The following PATJ variants were observed in gnomAD, a reference collection of about 807,000 sequenced individuals.
The protein encoded by PATJ is PATJ crumbs cell polarity complex component.
In PATJ, 190 loss-of-function variants were observed where a neutral mutation model predicts 224.9. That is an observed-to-expected ratio of 0.84 (90% confidence interval 0.75 to 0.95). PATJ has a LOEUF of 0.95. PATJ is among the 40% of genes least tolerant of loss of function. The probability of loss-of-function intolerance (pLI) is 0.00; values close to 1 mark genes in which losing one functional copy is unlikely to be tolerated. For missense variants in PATJ, 2,121 were observed against 2,270.3 expected (o/e 0.93, Z 1.34); for synonymous variants, 769 against 820.3 (o/e 0.94, Z 1.07).
intron 30 of PATJ, among the ~76,000 whole-genome samples, 188 bp downstream of exon 30, chr1:62,038,237 C>A (rs1335733104): frequency 2.0e-5 from 3 of 152,110 alleles, no homozygotes; most frequent in African/African-American, 7.2e-5. Context: ...TAGAACCTAA[C>A]CATATAAGTA....
chr1:61,844,935 C>T (rs549170645), intron 17 of PATJ, among the ~76,000 whole-genome samples: 5 of 152,218 alleles, frequency 3.3e-5, no homozygotes, highest in Admixed American at 1.3e-4. Context: ...CCCAGCCATG[C>T]GAAACTGTGA....
chr1:62,153,567 G>A (rs1668846364), intron 43 of PATJ, 86 bp downstream of exon 43: 17 of 824,786 alleles, frequency 2.1e-5, no homozygotes, highest in Non-Finnish European at 2.8e-5. Context: ...CTTTACTTTG[G>A]GTCAAACCTG....
chr1:61,818,610 A>G (rs1289462818), intron 14 of PATJ, among the ~76,000 whole-genome samples: 1 of 152,242 alleles, frequency 6.6e-6, no homozygotes, highest in Non-Finnish European at 1.5e-5. Context: ...TAGATTCAGA[A>G]CTAATATTAG....
At chr1:62,067,910 C>G (rs1326514600) in intron 31 of PATJ, among the ~76,000 whole-genome samples, 1 of 152,210 alleles carries the variant, frequency 6.6e-6, no homozygotes, top group African/African-American at 2.4e-5. Flanking sequence ...AAGCGATCCT[C>G]CTACCTCAGC....
chr1:62,156,168 G>T (rs1669191860), intron 43 of PATJ, among the ~76,000 whole-genome samples: 1 of 151,366 alleles, frequency 6.6e-6, no homozygotes, highest in South Asian at 2.1e-4. Flanking sequence ...TTGAGCCCAG[G>T]AGTTCAAGAT....
chr1:62,022,861 T>C (rs74479249), intron 29 of PATJ, among the ~76,000 whole-genome samples: 4,234 of 152,258 alleles, frequency 0.028, 170 homozygotes, highest in African/African-American at 0.087. Context: ...GTCTTCCTTT[T>C]GTAATTAAAA....
chr1:62,043,263 A>C (rs1055863410), intron 30 of PATJ, among the ~76,000 whole-genome samples: 1 of 152,190 alleles, frequency 6.6e-6, no homozygotes, highest in Non-Finnish European at 1.5e-5. Context: ...TATATTTATA[A>C]GGGATTATGA....
chr1:62,156,558 GTTA>G (rs1393467452), intron 43 of PATJ, among the ~76,000 whole-genome samples: 1 of 150,628 alleles, frequency 6.6e-6, no homozygotes, highest in Non-Finnish European at 1.5e-5. Flanking sequence ...GTAAATAATA[GTTA>G]TTATTATTAT....
chr1:62,015,338 G>A (rs941255559), intron 28 of PATJ, among the ~76,000 whole-genome samples: 2 of 151,970 alleles, frequency 1.3e-5, no homozygotes. Context: ...TAGCAAAGAT[G>A]AGTAGTTTCG....
At chr1:61,913,297 C>T (rs1170144477) in intron 25 of PATJ, among the ~76,000 whole-genome samples, 2 of 152,042 alleles carry the variant, frequency 1.3e-5, no homozygotes, top group African/African-American at 4.8e-5. Flanking sequence ...TTCAGTGGTG[C>T]AATTGTGGCT....
intron 26 of PATJ, among the ~76,000 whole-genome samples, chr1:61,920,543 AT>A (rs1400100050): frequency 6.6e-6 from 1 of 152,078 alleles, no homozygotes; most frequent in Non-Finnish European, 1.5e-5. Context: ...GTATGTCTTT[AT>A]TAGCAGCATG....
intron 31 of PATJ, among the ~76,000 whole-genome samples, chr1:62,055,871 C>T (rs1416775331): frequency 2.0e-5 from 3 of 152,160 alleles, no homozygotes; most frequent in African/African-American, 7.2e-5. Flanking sequence ...AATAGGCTGT[C>T]TGCAAACTGG....
intron 31 of PATJ, among the ~76,000 whole-genome samples, chr1:62,052,063 C>T (rs1345263164): frequency 1.3e-5 from 2 of 152,166 alleles, no homozygotes; most frequent in African/African-American, 4.8e-5. Flanking sequence ...TGTAGCCCAG[C>T]ACTTCCAGGG....
chr1:61,952,296 C>T (rs1679830382), intron 27 of PATJ: 5 of 490,820 alleles, frequency 1.0e-5, no homozygotes, highest in Admixed American at 3.2e-5. Context: ...GGCCCAAGGT[C>T]GTCAGAAGAG....
At chr1:61,959,554 C>A (rs1253721547) in intron 27 of PATJ, among the ~76,000 whole-genome samples, 1 of 150,728 alleles carries the variant, frequency 6.6e-6, no homozygotes, top group African/African-American at 2.4e-5. Context: ...CCCACCTCAG[C>A]CTCCCAAGTA....
chr1:61,762,858 G>A lies in PATJ; in HGVS notation c.-35G>A, dbSNP rs1442231702. On this transcript the variant is annotated splice_region_variant and 5_prime_UTR_variant, in exon 2 of 44. In the 5' UTR this introduces an upstream ATG that the reference lacks. Transcript: ENST00000642238. ...TTATATTGTTAAATTTTTTCTTTAG[G>A]TGTCTTTAAGAGTGATTGAAGAGAA... 7.2e-7 allele frequency: 1 copy of A among 1,388,674 alleles called. No homozygotes were observed. Among genetic ancestry groups the A allele is most frequent in the South Asian group, 1.4e-5 (1 of 71,952 alleles). 86.0% of individuals were successfully genotyped at this position (1,388,674 alleles called of 1,614,324 possible).
chr1:61,860,222 T>C (rs964033003), intron 18 of PATJ, among the ~76,000 whole-genome samples: 23 of 152,140 alleles, frequency 1.5e-4, no homozygotes, highest in African/African-American at 5.5e-4. Context: ...AATGACTTAT[T>C]TTTATTATTT....
intron 4 of PATJ, among the ~76,000 whole-genome samples, chr1:61,766,767 TGAC>T (rs769468863): frequency 3.2e-4 from 49 of 152,282 alleles, no homozygotes; most frequent in Non-Finnish European, 6.5e-4. Context: ...TTTTAGACAA[TGAC>T]TAATTGAACA....
At chr1:62,092,196 G>A (rs1190477843) in intron 33 of PATJ, among the ~76,000 whole-genome samples, 2 of 151,340 alleles carry the variant, frequency 1.3e-5, no homozygotes, top group East Asian at 3.9e-4. Flanking sequence ...TGGGCAACAT[G>A]GCAAGACCCC....
Sources: gnomAD v4.1 joint callset for allele counts (sites outside exome capture counted in the v4.1 genomes callset) on GRCh38, gnomAD v4.1.1 for gene constraint, MANE v1.5 for transcripts, NCBI Gene and HGNC (gene_info 2026-07-23, HGNC 2026-07-21) for gene names.